The following DEK variants were observed in gnomAD, a reference collection of about 807,000 sequenced individuals.
DEK encodes the protein DEK proto-oncogene.
A neutral mutation model predicts 46.8 loss-of-function variants in DEK; 28 were observed. That is an observed-to-expected ratio of 0.60 (90% CI 0.44 to 0.82). The LOEUF is 0.82. Among genes scored for constraint, DEK ranks in the 40% least tolerant of loss-of-function variants. DEK has a pLI of 0.00. For missense variants in DEK, 416 were observed against 430.6 expected (o/e 0.97, Z 0.30); for synonymous variants, 160 against 144.5 (o/e 1.11, Z -0.77).
chr6:18,250,239 G>A (rs551598612), intron 6 of DEK, among the ~76,000 whole-genome samples: 7 of 152,140 alleles, frequency 4.6e-5, no homozygotes, highest in African/African-American at 1.7e-4. Context: ...GGACGCCGAG[G>A]CGGGCAGATC....
rs1313039551 is a variant in DEK at position 18,256,386 on chromosome 6, T to A, written c.427A>T (p.Lys143Ter). ...TTTTTCAACATTTCTTCCTTCTTTT[T>A]ATATTGGACACTTCCTTTTTCAAAT... ...FPFEKGSVQY[K>*]KKEEMLKKFR... Residue 143 changes from lysine (K) to a stop codon, truncating the protein, a stop_gained, in exon 5 of 11, where the codon AAA becomes TAA. Transcript: ENST00000652689. LOFTEE classifies it high-confidence loss of function. The A allele has an allele frequency of 1.2e-6, 2 of 1,613,118 alleles. No homozygotes were observed. Among genetic ancestry groups the A allele is most frequent in the South Asian group, 2.2e-5 (2 of 90,870 alleles).
intron 9 of DEK, among the ~76,000 whole-genome samples, chr6:18,235,478 C>T (rs1158302607): frequency 2.0e-5 from 3 of 152,118 alleles, no homozygotes; most frequent in Non-Finnish European, 4.4e-5. Context: ...TTCCAGATTC[C>T]CCCAGCCTCA....
At position 18,225,546 on chromosome 6, in the gene DEK, T is replaced by G. The variant is rs1790075781; in HGVS notation, c.*173A>C. 5.0e-6 allele frequency: 3 copies of G among 604,922 alleles called. No individual in the cohort carries two copies. The highest frequency in any genetic ancestry group is 5.4e-6 in the Non-Finnish European group (2 of 369,244). 37.5% of individuals were successfully genotyped at this position (604,922 alleles called of 1,614,324 possible). A position where few individuals can be genotyped will look rare whatever the true frequency, so the allele number is the denominator to read the frequency against. ...CTAAAAATGGCATAGAAATGCAATT[T>G]AAAACAGCAAACTCAAATTCACATA... On this transcript the variant is annotated 3_prime_UTR_variant, in exon 11 of 11. Coordinates refer to ENST00000652689, the MANE Select transcript of DEK (RefSeq NM_003472.4).
chr6:18,261,497 G>C (rs1391583944), intron 2 of DEK, among the ~76,000 whole-genome samples: 1 of 152,194 alleles, frequency 6.6e-6, no homozygotes, highest in Non-Finnish European at 1.5e-5. Flanking sequence ...CCTTGAACCA[G>C]GAGGCAGAGG....
chr6:18,229,011 G>C (rs1790272127), intron 9 of DEK, among the ~76,000 whole-genome samples: 1 of 152,224 alleles, frequency 6.6e-6, no homozygotes. Flanking sequence ...AGTAGGAGCT[G>C]ACTGACACCT....
chr6:18,237,549 G>A (rs1013556479), intron 7 of DEK, 33 bp from the exon 8 acceptor site: 5 of 1,584,698 alleles, frequency 3.2e-6, no homozygotes, highest in East Asian at 2.2e-5. Flanking sequence ...TACACATATT[G>A]ATGAGATTCA....
At chr6:18,260,748 C>T (rs972103244) in intron 2 of DEK, among the ~76,000 whole-genome samples, 3 of 152,062 alleles carry the variant, frequency 2.0e-5, no homozygotes, top group Admixed American at 6.6e-5. Context: ...TTCCTGTAAT[C>T]CAGGCCCTTT....
chr6:18,238,836 C>T (rs1790778773), intron 7 of DEK, among the ~76,000 whole-genome samples: 1 of 152,158 alleles, frequency 6.6e-6, no homozygotes, highest in Admixed American at 6.5e-5. Flanking sequence ...CTCCCATTTA[C>T]ACACTAAAAC....
At chr6:18,250,485 C>A (rs1791323204) in intron 6 of DEK, among the ~76,000 whole-genome samples, 1 of 147,166 alleles carries the variant, frequency 6.8e-6, no homozygotes, top group Non-Finnish European at 1.5e-5. Context: ...ACACAAAAAG[C>A]AAAAAACAAA....
chr6:18,226,393 A>T, intron 9 of DEK, 151 bp from the exon 10 acceptor site: 1 of 583,938 alleles, frequency 1.7e-6, no homozygotes, highest in Non-Finnish European at 2.6e-6. Context: ...TTCTATTCCA[A>T]ATGAGTATTT....
chr6:18,229,647 A>C (rs1790315327), intron 9 of DEK, among the ~76,000 whole-genome samples: 1 of 152,250 alleles, frequency 6.6e-6, no homozygotes. Flanking sequence ...GAGCAAATGA[A>C]TGAAATGAAG....
chr6:18,230,634 G>C (rs375664529), intron 9 of DEK, among the ~76,000 whole-genome samples: 9 of 152,140 alleles, frequency 5.9e-5, no homozygotes, highest in Middle Eastern at 3.4e-3. Context: ...ACAAAGAAGG[G>C]CATTACATAA....
intron 7 of DEK, among the ~76,000 whole-genome samples, chr6:18,237,733 T>C (rs1054875996): frequency 3.3e-5 from 5 of 151,970 alleles, no homozygotes; most frequent in African/African-American, 9.7e-5. Context: ...CACACAAGAG[T>C]TGCCCATATT....
intron 9 of DEK, among the ~76,000 whole-genome samples, chr6:18,233,196 T>G (rs1048586820): frequency 2.6e-5 from 4 of 152,110 alleles, no homozygotes; most frequent in African/African-American, 9.7e-5. Context: ...ATACAAAAAT[T>G]AATTCAAGAT....
chr6:18,249,301 A>C (rs138223005), intron 7 of DEK, among the ~76,000 whole-genome samples: 1 of 152,300 alleles, frequency 6.6e-6, no homozygotes, highest in African/African-American at 2.4e-5. Flanking sequence ...TAAAGTATCA[A>C]TATATTACGA....
intron 6 of DEK, among the ~76,000 whole-genome samples, chr6:18,253,690 A>G (rs1383333810): frequency 6.6e-6 from 1 of 152,148 alleles, no homozygotes; most frequent in Non-Finnish European, 1.5e-5. Flanking sequence ...CTTTAAAAAT[A>G]TTCTTTTTAT....
In DEK at chr6:18,224,878, T is replaced by C. The variant is rs1582243596; in HGVS notation, c.*841A>G. On this transcript the variant is annotated 3_prime_UTR_variant, in exon 11 of 11. Transcript: ENST00000652689. ...TGATTTTTGGTCTGTCCTTATATAA[T>C]ATAAAACGTACCTACAGACACTTTT... 4.7e-6 allele frequency: 1 copy of C among 211,280 alleles called. No homozygotes were observed. The highest frequency in any genetic ancestry group is 9.6e-6 in the Non-Finnish European group (1 of 103,826). The allele number at this position is 211,280 out of a possible 1,614,324, so 13.1% of individuals were successfully genotyped here.
At chr6:18,251,999 T>TTAGA (rs765113411) in intron 6 of DEK, among the ~76,000 whole-genome samples, 3 of 152,172 alleles carry the variant, frequency 2.0e-5, no homozygotes, top group Non-Finnish European at 4.4e-5. Context: ...TACAAATGCC[T>TTAGA]TAGAGTTTTC....
chr6:18,259,230 T>TA (rs1290725428), intron 2 of DEK, among the ~76,000 whole-genome samples: 1 of 150,670 alleles, frequency 6.6e-6, no homozygotes, highest in Non-Finnish European at 1.5e-5. Flanking sequence ...CCATCTCTAC[T>TA]AAAAAATACA....
Sources: allele counts gnomAD v4.1 joint callset (sites outside exome capture counted in the v4.1 genomes callset), GRCh38; gene constraint gnomAD v4.1.1; transcripts MANE v1.5; gene names NCBI Gene and HGNC (gene_info 2026-07-23, HGNC 2026-07-21).